The following MSS51 variants were observed in gnomAD, a reference collection of about 807,000 sequenced individuals.
The protein encoded by MSS51 is MSS51 mitochondrial translational activator.
Under a neutral mutation model 40.2 loss-of-function variants are expected in MSS51, and 32 were observed. That is an observed-to-expected ratio of 0.80 (90% CI 0.60 to 1.07). The LOEUF is 1.07. Among genes scored for constraint, MSS51 ranks in the 50% least tolerant of loss-of-function variants. The probability of loss-of-function intolerance (pLI) is 0.00; values close to 1 mark genes in which losing one functional copy is unlikely to be tolerated. For synonymous variants in MSS51, 178 were observed against 214.2 expected, an observed-to-expected ratio of 0.83 and a Z score of 1.48; for missense variants, 518 against 568.9, an observed-to-expected ratio of 0.91 and a Z score of 0.91.
At chr10:73,431,917 T>C (rs2056031901) in intron 1 of MSS51, among the ~76,000 whole-genome samples, 1 of 152,204 alleles carries the variant, frequency 6.6e-6, no homozygotes, top group Non-Finnish European at 1.5e-5. Context: ...TTCCAACAAC[T>C]AACCTCATTC....
intron 1 of MSS51, 59 bp from the exon 2 acceptor site, chr10:73,428,360 A>G (rs1339702721): frequency 3.8e-6 from 5 of 1,315,628 alleles, no homozygotes; most frequent in East Asian, 2.4e-5. Flanking sequence ...ACACTTGTGA[A>G]GTATTTTCAT....
chr10:73,425,290 T>A (rs1190732816), intron 5 of MSS51, 99 bp from the exon 6 acceptor site: 6 of 701,972 alleles, frequency 8.5e-6, no homozygotes, highest in Non-Finnish European at 1.2e-5. Flanking sequence ...CTCACCTTGC[T>A]TATCCCCAGT....
At chr10:73,430,555 C>A (rs2056021109) in intron 1 of MSS51, among the ~76,000 whole-genome samples, 1 of 151,374 alleles carries the variant, frequency 6.6e-6, no homozygotes, top group Non-Finnish European at 1.5e-5. Context: ...CAAATCAGAA[C>A]CACAGTGAGA....
intron 5 of MSS51, among the ~76,000 whole-genome samples, 171 bp from the exon 6 acceptor site, chr10:73,425,362 T>C (rs896656304): frequency 2.6e-5 from 4 of 151,998 alleles, no homozygotes; most frequent in African/African-American, 9.7e-5. Flanking sequence ...GTGTAGTACA[T>C]ATGGCAAATT....
At chr10:73,429,881 G>A (rs1231930040) in intron 1 of MSS51, among the ~76,000 whole-genome samples, 2 of 152,300 alleles carry the variant, frequency 1.3e-5, no homozygotes, top group Non-Finnish European at 2.9e-5. Flanking sequence ...CCAGAAAAGT[G>A]CAACTAAAGC....
In MSS51 at chr10:73,425,107, G is replaced by A. The variant is rs2055972066; in HGVS notation, c.1154C>T (p.Thr385Ile). 1 of 1,611,768 alleles carries A rather than the reference G, an allele frequency of 6.2e-7. No homozygotes were observed. Among genetic ancestry groups the A allele is most frequent in the Non-Finnish European group, 8.5e-7 (1 of 1,178,270 alleles). The change falls in exon 6 of 7, where the codon ACT becomes ATT. Residue 385 changes from threonine (T) to isoleucine (I), a missense_variant. Thr to Ile is a moderately conservative substitution (Grantham distance 89, BLOSUM62 -1). Coordinates refer to ENST00000299432, the MANE Select transcript of MSS51 (RefSeq NM_001024593.2). ...AGGATGAGGTCAAAACCTGTAAACA[G>A]TAATCAATGTAGGAATCTTATAGTC... Reference protein sequence around the residue: ...LRDYKIPTLITVYSHQELVSS... With the variant: ...LRDYKIPTLIIVYSHQELVSS...
In MSS51 at chr10:73,424,756, A is replaced by G. The variant is rs113479632; in HGVS notation, c.1180T>C (p.Ser394Pro). 1 of 1,613,810 alleles carries G rather than the reference A, an allele frequency of 6.2e-7. No homozygotes were observed. The highest frequency in any genetic ancestry group is 1.3e-5 in the African/African-American group (1 of 75,060). The stretch of plus-strand genomic sequence containing the variant: ...AGTTCCACCAGAATCTGCAAAGAGG[A>G]TACCAACTCCTGATGGCTGTAGAAG... ...ITVYSHQELV[S>P]SLQILVELDT... is the part of the protein sequence containing the mutation. The change falls in exon 7 of 7, where the codon TCC (serine) becomes CCC (proline). Residue 394 changes from serine (S) to proline (P), a missense_variant. Physicochemically the swap from Ser to Pro is moderately conservative, Grantham distance 74. Coordinates refer to ENST00000299432, the MANE Select transcript of MSS51 (RefSeq NM_001024593.2).
intron 1 of MSS51, among the ~76,000 whole-genome samples, chr10:73,430,419 C>T (rs987558346): frequency 1.3e-5 from 2 of 151,794 alleles, no homozygotes; most frequent in Non-Finnish European, 2.9e-5. Context: ...CAATAACAAA[C>T]AAAAAAACCA....
At chr10:73,429,445 T>A (rs912824509) in intron 1 of MSS51, among the ~76,000 whole-genome samples, 50 of 152,202 alleles carry the variant, frequency 3.3e-4, no homozygotes, top group African/African-American at 1.1e-3. Context: ...GACAGTTTAA[T>A]ATAGAGAGAT....
chr10:73,424,649 C>T lies in MSS51; in HGVS notation c.1287G>A (p.Gln429=). 6.2e-7 allele frequency: 1 copy of T among 1,614,056 alleles called. No homozygotes were observed. The highest frequency in any genetic ancestry group is 8.5e-7 in the Non-Finnish European group (1 of 1,179,962). ...TATAGTATGCACTGCAGTATACTGG[C>T]TGCTTGTTGGGACTGGAATAGACCT... The part of the protein sequence containing the change: ...PEQVYSSPNK[Q]PVYCSAYYIM... The change falls in exon 7 of 7, where the codon CAG becomes CAA. Residue 429 remains glutamine, a synonymous_variant. Transcript: ENST00000299432.
chr10:73,427,716 G>C lies in MSS51; in HGVS notation c.274C>G (p.Gln92Glu), dbSNP rs1399921689. The change falls in exon 3 of 7, where the codon CAA becomes GAA. Residue 92 changes from glutamine (Q) to glutamate (E), a missense_variant. By Grantham distance (29) the Gln-to-Glu change is conservative (BLOSUM62 2). Transcript: ENST00000299432. ...PVSGFGFRCP[Q>E]EMFQRMEDTF... ...TCTTCCATCCTCTGGAACATTTCTT[G>C]AGGACATCGAAATCCAAAGCCTGAT... 6.2e-7 allele frequency: 1 copy of C among 1,614,178 alleles called. No homozygotes were observed. Among genetic ancestry groups the C allele is most frequent in the Admixed American group, 1.7e-5 (1 of 60,020 alleles).
Position 73,427,144 on chromosome 10 carries a change from A to C in MSS51, c.378-413T>G, listed in dbSNP as rs547865941. Among the ~76,000 whole-genome samples the C allele has an allele frequency of 1.8e-4, 28 of 152,266 alleles. No individual in the cohort carries two copies. The South Asian group carries it at 5.6e-3, about 30-fold the overall frequency. On this transcript the variant is annotated intron_variant, in intron 3 of 6. Coordinates refer to ENST00000299432, the MANE Select transcript of MSS51 (RefSeq NM_001024593.2). ...CTCACTTCCCAATAACACCAAAAATAAGCAGGATTAGAACACTGTTCTAAT... is the reference window on the plus strand; with the variant it reads ...CTCACTTCCCAATAACACCAAAAATCAGCAGGATTAGAACACTGTTCTAAT...
chr10:73,426,601 C>A lies in MSS51; in HGVS notation c.502+6G>T, dbSNP rs1487825756. On this transcript the variant is annotated splice_donor_region_variant and intron_variant, in intron 4 of 6. Coordinates refer to ENST00000299432, the MANE Select transcript of MSS51 (RefSeq NM_001024593.2). ...ATGGCAGAGATCCTCAACACCACCA[C>A]TCCACCTGTGACCAGAAGCCATTCC... is the stretch of plus-strand genomic sequence containing the variant. 3.1e-6 allele frequency: 5 copies of A among 1,614,060 alleles called. No individual in the cohort carries two copies. In the African/African-American group the frequency reaches 6.7e-5, roughly 22 times the overall value.
chr10:73,425,684 AAAAAG>A (rs1214856176), intron 5 of MSS51, 122 bp downstream of exon 5: 2 of 895,004 alleles, frequency 2.2e-6, no homozygotes, highest in South Asian at 2.2e-5. Context: ...AGAAAAAAAA[AAAAAG>A]AAAAGTTGTC....
At position 73,424,732 on chromosome 10, in the gene MSS51, G is replaced by T; in HGVS notation, c.1204C>A (p.Leu402Met). 1.2e-6 allele frequency: 2 copies of T among 1,614,144 alleles called. No homozygotes were observed. The highest frequency in any genetic ancestry group is 1.7e-6 in the Non-Finnish European group (2 of 1,179,996). Residue 402 changes from leucine (L) to methionine (M), a missense_variant, in exon 7 of 7, where the codon CTG (leucine) becomes ATG (methionine). By Grantham distance (15) the Leu-to-Met change is conservative (BLOSUM62 2). Coordinates refer to ENST00000299432, the MANE Select transcript of MSS51 (RefSeq NM_001024593.2). ...CCAAAGGCAGTGATGTGTGTATCCA[G>T]TTCCACCAGAATCTGCAAAGAGGAT... ...LVSSLQILVE[L>M]DTHITAFGSN...
chr10:73,426,834 G>A (rs1374601237), intron 3 of MSS51, 103 bp from the exon 4 acceptor site: 35 of 1,380,698 alleles, frequency 2.5e-5, no homozygotes, highest in Non-Finnish European at 1.3e-5. Context: ...AATGGGTAAG[G>A]AAGGTAGGGA....
At chr10:73,426,451 T>TA (rs1564541370) in intron 4 of MSS51, 74 bp from the exon 5 acceptor site, 12 of 1,574,890 alleles carry the variant, frequency 7.6e-6, no homozygotes, top group Middle Eastern at 3.4e-4. Flanking sequence ...TAATGATCAA[T>TA]ATTCCCTCCA....
At position 73,428,085 on chromosome 10, in the gene MSS51, A is replaced by G. The variant is rs2056002655; in HGVS notation, c.200T>C (p.Met67Thr). The G allele has an allele frequency of 6.2e-7, 1 of 1,614,020 alleles. No individual in the cohort carries two copies. The highest frequency in any genetic ancestry group is 8.5e-7 in the Non-Finnish European group (1 of 1,180,004). Reference protein sequence around the residue: ...LSQLILQKLNMKSYEEYKLVV... With the variant: ...LSQLILQKLNTKSYEEYKLVV... ...TCACTTATATTCTTCATAGCTTTTC[A>G]TGTTCAGCTTTTGAAGGATCAGCTG... is the stretch of plus-strand genomic sequence containing the variant. The change falls in exon 2 of 7, where the codon ATG becomes ACG. Residue 67 changes from methionine to threonine, a missense_variant. Transcript: ENST00000299432.
intron 1 of MSS51, among the ~76,000 whole-genome samples, chr10:73,430,259 T>C (rs1262322083): frequency 2.6e-5 from 4 of 151,948 alleles, no homozygotes; most frequent in South Asian, 2.1e-4. Context: ...AATAGATAAA[T>C]TGGACAGCAA....
Sources: allele counts gnomAD v4.1 joint callset (sites outside exome capture counted in the v4.1 genomes callset), GRCh38; gene constraint gnomAD v4.1.1; transcripts MANE v1.5; gene names NCBI Gene and HGNC (gene_info 2026-07-23, HGNC 2026-07-21).